Variants in NRTN observed in about 807,000 individuals in gnomAD.
NRTN encodes the protein prepro-neurturin.
Under a neutral mutation model 7.5 loss-of-function variants are expected in NRTN, and 3 were observed. That is an observed-to-expected ratio of 0.40 (90% CI 0.18 to 1.03). The LOEUF (loss-of-function observed/expected upper bound fraction) is 1.03. Ranked by LOEUF, NRTN falls within the 50% of genes least tolerant of loss-of-function variation. The pLI, the probability that NRTN is intolerant of heterozygous loss-of-function variation, is 0.34. For synonymous variants in NRTN, 157 were observed against 146.6 expected (o/e 1.07, Z -0.51); for missense variants, 310 against 307.0 (o/e 1.01, Z -0.07).
intron 1 of NRTN, among the ~76,000 whole-genome samples, chr19:5,813,288 A>T (rs1250797085): frequency 6.6e-6 from 1 of 151,738 alleles, no homozygotes; most frequent in Non-Finnish European, 1.5e-5. Flanking sequence ...TAATTCCAGC[A>T]CTTTGGGAGG....
At chr19:5,823,437 GAGAA>G (rs903279857) in intron 1 of NRTN, among the ~76,000 whole-genome samples, 2 of 152,088 alleles carry the variant, frequency 1.3e-5, no homozygotes, top group African/African-American at 2.4e-5. Flanking sequence ...AAAAGAAAAA[GAGAA>G]AGAAAGGGGA....
intron 1 of NRTN, among the ~76,000 whole-genome samples, chr19:5,815,427 ATTTTTT>A (rs754233565): frequency 8.3e-6 from 1 of 120,098 alleles, no homozygotes; most frequent in African/African-American, 3.2e-5. Flanking sequence ...TGTGAGTGTG[ATTTTTT>A]TTTTTTTTTT....
At chr19:5,805,870 C>T (rs2056973771) in intron 1 of NRTN, among the ~76,000 whole-genome samples, 2 of 151,636 alleles carry the variant, frequency 1.3e-5, no homozygotes, top group African/African-American at 4.8e-5. Flanking sequence ...CTGCAGAGCC[C>T]GGGCGGGGGG....
intron 1 of NRTN, among the ~76,000 whole-genome samples, chr19:5,819,995 G>A (rs370778080): frequency 6.6e-6 from 1 of 152,156 alleles, no homozygotes; most frequent in African/African-American, 2.4e-5. Context: ...GGCCAGGCAC[G>A]GTGGCTCTCG....
Position 5,827,805 on chromosome 19 carries a change from T to A in NRTN, c.226T>A (p.Trp76Arg), listed in dbSNP as rs2057052909. The change falls in exon 3 of 3, where the codon TGG (tryptophan) becomes AGG (arginine). Residue 76 changes from tryptophan (W) to arginine (R), a missense_variant. Transcript: ENST00000303212. Reference sequence around the variant, plus strand: ...GATGGAGCTGCGCGAGCTGACGCCCTGGGCTGGGCGGCCCCCAGGTCCGCG... The same window carrying A: ...GATGGAGCTGCGCGAGCTGACGCCCAGGGCTGGGCGGCCCCCAGGTCCGCG... ...DAMELRELTPWAGRPPGPRRR... is the reference protein window; with the variant it reads ...DAMELRELTPRAGRPPGPRRR... 4.2e-6 allele frequency: 5 copies of A among 1,178,308 alleles called. No individual in the cohort carries two copies. The highest frequency in any genetic ancestry group is 5.2e-6 in the Non-Finnish European group (5 of 954,022). 73.0% of individuals were successfully genotyped at this position (1,178,308 alleles called of 1,614,324 possible). A position where few individuals can be genotyped will look rare whatever the true frequency, so the allele number is the denominator to read the frequency against.
At chr19:5,807,268 C>T (rs773639068) in intron 1 of NRTN, among the ~76,000 whole-genome samples, 25 of 152,084 alleles carry the variant, frequency 1.6e-4, no homozygotes, top group Non-Finnish European at 3.2e-4. Flanking sequence ...AGGTTGCATC[C>T]CTGGAGGTAG....
intron 1 of NRTN, among the ~76,000 whole-genome samples, chr19:5,808,751 T>TG (rs2056981079): frequency 6.9e-6 from 1 of 145,536 alleles, no homozygotes; most frequent in Non-Finnish European, 1.5e-5. Flanking sequence ...AGATCTTCAA[T>TG]GGTGGCTTTT....
At chr19:5,820,735 CAAGAAAAAA>C (rs1260820821) in intron 1 of NRTN, among the ~76,000 whole-genome samples, 1,631 of 61,980 alleles carry the variant, frequency 0.026, 24 homozygotes, top group Middle Eastern at 0.17. Flanking sequence ...AACTCTGTCT[CAAGAAAAAA>C]AAAAAAAAAA....
At chr19:5,816,064 T>G (rs150832606) in intron 1 of NRTN, among the ~76,000 whole-genome samples, 29 of 148,770 alleles carry the variant, frequency 1.9e-4, no homozygotes, top group African/African-American at 6.9e-4. Flanking sequence ...TTTTAAAAAT[T>G]TATTATTTTC....
In NRTN at chr19:5,806,079, G is replaced by T. The variant is rs1229617964; in HGVS notation, c.-399+628G>T. On this transcript the variant is annotated intron_variant, in intron 1 of 2. Transcript: ENST00000303212. The surrounding 1 kb of genome is among the most constrained non-coding windows in gnomAD (Gnocchi z 5.4). ...GGGGGTCCCTTAAGGGCAAAGCCTG[G>T]ATGTGAAGTGGCGGGAGGCTGTGCC... Among the ~76,000 whole-genome samples, 2 of 152,192 alleles carry T rather than the reference G, an allele frequency of 1.3e-5. No homozygotes were observed. Among genetic ancestry groups the T allele is most frequent in the African/African-American group, 2.4e-5 (1 of 41,454 alleles).
At position 5,823,991 on chromosome 19, in the gene NRTN, C is replaced by G. The variant is rs1423766565; in HGVS notation, c.-175C>G. The stretch of plus-strand genomic sequence containing the variant: ...TGTGACTCCTGGCACGGAGGCCAAC[C>G]CCTTCCTTGTTCAATGGTTCCTTGA... On this transcript the variant is annotated 5_prime_UTR_variant, in exon 2 of 3. Transcript: ENST00000303212. The G allele has an allele frequency of 1.1e-6, 1 of 878,802 alleles. No homozygotes were observed. Among genetic ancestry groups the G allele is most frequent in the African/African-American group, 1.6e-5 (1 of 60,620 alleles). 54.4% of individuals were successfully genotyped at this position (878,802 alleles called of 1,614,324 possible).
At chr19:5,816,088 A>G in intron 1 of NRTN, among the ~76,000 whole-genome samples, 1 of 150,260 alleles carries the variant, frequency 6.7e-6, no homozygotes, top group East Asian at 2.0e-4. Context: ...TTTTGTAGAG[A>G]TGGGGTCTTA....
chr19:5,821,776 C>T lies in NRTN; in HGVS notation c.-398-1992C>T, dbSNP rs560979383. ...CTGGTCTAGGATTTGTTTAGATGCC[C>T]TCACGTTGGGGAACTCATTCCTTAC... On this transcript the variant is annotated intron_variant, in intron 1 of 2. Transcript: ENST00000303212. Among the ~76,000 whole-genome samples the T allele has an allele frequency of 2.6e-5, 4 of 152,264 alleles. No individual in the cohort carries two copies. The South Asian group carries it at 6.2e-4, about 24-fold the overall frequency.
rs2057056998 is a variant in NRTN at position 5,828,233 on chromosome 19, G to T, written c.*60G>T. ...CCCCGCCTCGACGGCACCACTGGCC[G>T]GCCCCGCGAAAGACTGCGCGTGCGT... On this transcript the variant is annotated 3_prime_UTR_variant, in exon 3 of 3. Transcript: ENST00000303212. The T allele has an allele frequency of 2.6e-6, 4 of 1,513,122 alleles. No homozygotes were observed. The highest frequency in any genetic ancestry group is 2.6e-6 in the Non-Finnish European group (3 of 1,134,506). 93.7% of individuals were successfully genotyped at this position (1,513,122 alleles called of 1,614,324 possible). A position where few individuals can be genotyped will look rare whatever the true frequency, so the allele number is the denominator to read the frequency against.
chr19:5,822,580 G>A (rs547847555), intron 1 of NRTN, among the ~76,000 whole-genome samples: 56 of 152,316 alleles, frequency 3.7e-4, no homozygotes, highest in African/African-American at 1.3e-3. Flanking sequence ...ACTGGTGCCC[G>A]AATGGGTAAA....
At position 5,828,291 on chromosome 19, in the gene NRTN, G is replaced by T. The variant is rs1473567909; in HGVS notation, c.*118G>T. ...GCCGGCGCGGCCCCGGGACTCTCGC[G>T]ATAACTGTACTGAGATAAAGTGTGG... On this transcript the variant is annotated 3_prime_UTR_variant, in exon 3 of 3. Transcript: ENST00000303212. The T allele has an allele frequency of 8.5e-7, 1 of 1,172,382 alleles. No homozygotes were observed. The highest frequency in any genetic ancestry group is 2.8e-5 in the East Asian group (1 of 35,202). 72.6% of individuals were successfully genotyped at this position (1,172,382 alleles called of 1,614,324 possible). A position where few individuals can be genotyped will look rare whatever the true frequency, so the allele number is the denominator to read the frequency against.
At chr19:5,811,043 CCT>C (rs2056989132) in intron 1 of NRTN, among the ~76,000 whole-genome samples, 1 of 151,828 alleles carries the variant, frequency 6.6e-6, no homozygotes, top group South Asian at 2.1e-4. Flanking sequence ...TCAAGACCAG[CCT>C]GGCCAACATG....
intron 1 of NRTN, among the ~76,000 whole-genome samples, chr19:5,810,032 G>C (rs986120110): frequency 3.3e-5 from 5 of 152,012 alleles, no homozygotes; most frequent in South Asian, 2.1e-4. Flanking sequence ...TTGGGAGGCC[G>C]AGGCTGGCGG....
rs2056976171 is a variant in NRTN at position 5,806,698 on chromosome 19, G to A, written c.-399+1247G>A. ...CCGACTCCACCCCCAGGGAGCTACAGAAAGCTTCTTCCAGGGGTGCAGGGA... is the reference window on the plus strand; with the variant it reads ...CCGACTCCACCCCCAGGGAGCTACAAAAAGCTTCTTCCAGGGGTGCAGGGA... On this transcript the variant is annotated intron_variant, in intron 1 of 2. Coordinates refer to ENST00000303212, the MANE Select transcript of NRTN (RefSeq NM_004558.5). This position sits in a 1 kb window ranked among gnomAD's most constrained non-coding sequence, Gnocchi z 5.4. Among the ~76,000 whole-genome samples the A allele has an allele frequency of 6.6e-6, 1 of 152,114 alleles. No homozygotes were observed. The highest frequency in any genetic ancestry group is 1.5e-5 in the Non-Finnish European group (1 of 68,012).
Sources: allele counts gnomAD v4.1 joint callset (sites outside exome capture counted in the v4.1 genomes callset), GRCh38; gene constraint gnomAD v4.1.1; non-coding constraint Gnocchi (gnomAD v3.1); transcripts MANE v1.5; gene names NCBI Gene and HGNC (gene_info 2026-07-23, HGNC 2026-07-21).